The following KCNH2 variants were observed in gnomAD, a reference collection of about 807,000 sequenced individuals.
KCNH2 encodes the protein potassium voltage-gated channel subfamily H member 2, also known as voltage-gated inwardly rectifying potassium channel KCNH2.
In KCNH2, 35 loss-of-function variants were observed where a neutral mutation model predicts 95.9. The observed-to-expected ratio is 0.37, with a 90% CI of 0.28 to 0.48. The LOEUF is 0.48. Among genes scored for constraint, KCNH2 ranks in the 20% least tolerant of loss-of-function variants. The pLI, the probability that KCNH2 is intolerant of heterozygous loss-of-function variation, is 0.99. For synonymous variants in KCNH2, 786 were observed against 754.7 expected (o/e 1.04, Z -0.68); for missense variants, 1,274 against 1,702.9 (o/e 0.75, Z 4.43).
In KCNH2 at chr7:150,957,518, G is replaced by T. The variant is rs750266253; in HGVS notation, c.917-16C>A. The T allele has an allele frequency of 1.3e-6, 2 of 1,552,506 alleles. No individual in the cohort carries two copies. Among genetic ancestry groups the T allele is most frequent in the South Asian group, 1.1e-5 (1 of 88,368 alleles). ...TGCATGGCCCCTAGGTGGAGAGGCA[G>T]CGTGGTCAGGCCAGCAGCCCAGGGC... On this transcript the variant is annotated splice_polypyrimidine_tract_variant and intron_variant, in intron 4 of 14. Coordinates refer to ENST00000262186, the MANE Select transcript of KCNH2 (RefSeq NM_000238.4).
At chr7:150,956,088 T>C (rs1801367692) in intron 5 of KCNH2, among the ~76,000 whole-genome samples, 1 of 151,990 alleles carries the variant, frequency 6.6e-6, no homozygotes, top group African/African-American at 2.4e-5. Flanking sequence ...AGACTGCTAG[T>C]GACTGGCAGG....
rs794728483 is a variant in KCNH2 at position 150,951,651 on chromosome 7, G to A, written c.1742C>T (p.Ser581Leu). ...IGNMEQPHMD[S>L]RIGWLHNLGD... Reference sequence around the variant, plus strand: ...CAGGTTGTGCAGCCAGCCGATGCGTGAGTCCATGTGTGGCTGCTCCATGTT... The same window carrying A: ...CAGGTTGTGCAGCCAGCCGATGCGTAAGTCCATGTGTGGCTGCTCCATGTT... Residue 581 changes from serine (S) to leucine (L), a missense_variant, in exon 7 of 15, where the codon TCA (serine) becomes TTA (leucine). Transcript: ENST00000262186. 1.9e-6 allele frequency: 3 copies of A among 1,614,138 alleles called. No individual in the cohort carries two copies. In the African/African-American group the frequency reaches 4.0e-5, roughly 22 times the overall value.
In KCNH2 at chr7:150,952,686, C is replaced by A; in HGVS notation, c.1296G>T (p.Leu432=). 1.9e-6 allele frequency: 3 copies of A among 1,614,182 alleles called. No individual in the cohort carries two copies. In the South Asian group the frequency reaches 3.3e-5, roughly 18 times the overall value. Residue 432 remains leucine, a synonymous_variant, in exon 6 of 15, where the codon CTG becomes CTT. Transcript: ENST00000262186. The surrounding 1 kb of genome is among the most constrained non-coding windows in gnomAD (Gnocchi z 7.3). The part of the protein sequence containing the change: ...AVFTPYSAAF[L]LKETEEGPPA... ...GCGGGCCTTCTTCCGTCTCCTTCAGCAGGAAGGCAGCCGAGTAGGGTGTGA... is the reference window on the plus strand; with the variant it reads ...GCGGGCCTTCTTCCGTCTCCTTCAGAAGGAAGGCAGCCGAGTAGGGTGTGA...
intron 10 of KCNH2, 82 bp from the exon 11 acceptor site, chr7:150,948,625 A>G: frequency 7.5e-7 from 1 of 1,336,838 alleles, no homozygotes; most frequent in Non-Finnish European, 1.1e-6. Context: ...TCCTTAACAC[A>G]GAAAAAGTAG....
intron 2 of KCNH2, among the ~76,000 whole-genome samples, chr7:150,973,301 G>A (rs896153696): frequency 3.3e-5 from 5 of 152,164 alleles, no homozygotes; most frequent in East Asian, 1.9e-4. Context: ...AGAACAGAGC[G>A]CACAGGGCTC....
chr7:150,954,554 C>T (rs41314384), intron 5 of KCNH2, among the ~76,000 whole-genome samples: 1 of 152,230 alleles, frequency 6.6e-6, no homozygotes, highest in Non-Finnish European at 1.5e-5. Context: ...TCTGTCCCCC[C>T]AGCCTGTTGT....
chr7:150,949,377 G>C, intron 9 of KCNH2: 2 of 1,030,576 alleles, frequency 1.9e-6, no homozygotes, highest in South Asian at 2.4e-5. Context: ...TCAAACCAAA[G>C]ATCAGAACAC....
At chr7:150,965,654 G>A (rs1388179469) in intron 2 of KCNH2, among the ~76,000 whole-genome samples, 3 of 151,322 alleles carry the variant, frequency 2.0e-5, no homozygotes, top group Admixed American at 6.6e-5. Flanking sequence ...TGACTGCTCC[G>A]TCTGACCCAC....
Position 150,962,343 on chromosome 7 carries a change from C to T in KCNH2, c.308-2607G>A, listed in dbSNP as rs1479453182. Among the ~76,000 whole-genome samples, 1 of 152,156 alleles carries T rather than the reference C, an allele frequency of 6.6e-6. No homozygotes were observed. The highest frequency in any genetic ancestry group is 2.4e-5 in the African/African-American group (1 of 41,428). Reference sequence around the variant, plus strand: ...CCTAAGTCCTCCACCAGGGAGCTTGCCTCAGAGAAGTCTAGAGTCTGGAGC... The same window carrying T: ...CCTAAGTCCTCCACCAGGGAGCTTGTCTCAGAGAAGTCTAGAGTCTGGAGC... On this transcript the variant is annotated intron_variant, in intron 2 of 14. Transcript: ENST00000262186. The surrounding 1 kb of genome is among the most constrained non-coding windows in gnomAD (Gnocchi z 5.7).
rs794728397 is a variant in KCNH2, at chr7:150,947,801, C to A, written c.2770G>T (p.Gly924Trp). The A allele has an allele frequency of 8.5e-6, 13 of 1,530,634 alleles. No individual in the cohort carries two copies. In the African/African-American group the frequency reaches 1.5e-4, roughly 18 times the overall value. 94.8% of individuals were successfully genotyped at this position (1,530,634 alleles called of 1,614,324 possible). ...GAGPSSRGRP[G>W]GPWGESPSSG... ...GACGGGCTCTCCCCCCACGGCCCCC[C>A]CGGCCGGCCCCGGCTACTCGGCCCT... The change falls in exon 12 of 15, where the codon GGG becomes TGG. Residue 924 changes from glycine to tryptophan, a missense_variant. Around this residue, in one of 7 missense-constraint regions of KCNH2, gnomAD observed 457 missense variants for 416.1 expected, o/e 1.10. Coordinates refer to ENST00000262186, the MANE Select transcript of KCNH2 (RefSeq NM_000238.4).
rs1057520559 is a variant in KCNH2, at chr7:150,950,164, A to G, written c.2398+4T>C. 2.7e-6 allele frequency: 2 copies of G among 737,420 alleles called. No individual in the cohort carries two copies. The highest frequency in any genetic ancestry group is 4.6e-6 in the Non-Finnish European group (2 of 438,850). 45.7% of individuals were successfully genotyped at this position (737,420 alleles called of 1,614,324 possible). A position where few individuals can be genotyped will look rare whatever the true frequency, so the allele number is the denominator to read the frequency against. On this transcript the variant is annotated splice_donor_region_variant and intron_variant, in intron 9 of 14. Coordinates refer to ENST00000262186, the MANE Select transcript of KCNH2 (RefSeq NM_000238.4). ...CAGTCCAGTGCCCGCCCCCCACCCCATACCCAGGATGGCCACGACGACGTC... is the reference window on the plus strand; with the variant it reads ...CAGTCCAGTGCCCGCCCCCCACCCCGTACCCAGGATGGCCACGACGACGTC...
rs1191300831 is a variant in KCNH2, at chr7:150,946,676, C to T, written c.3330+201G>A. Among the ~76,000 whole-genome samples the T allele has an allele frequency of 1.3e-5, 2 of 152,136 alleles. No individual in the cohort carries two copies. Among genetic ancestry groups the T allele is most frequent in the South Asian group, 2.1e-4 (1 of 4,830 alleles). On this transcript the variant is annotated intron_variant, in intron 14 of 14. Transcript: ENST00000262186. This position sits in a 1 kb window ranked among gnomAD's most constrained non-coding sequence, Gnocchi z 6.5. ...CACCCAGCTGTCTAGGGGCTTTGGA[C>T]GGGGGACTCTCCTGCCCTACCCTGA...
In KCNH2 at chr7:150,961,719, C is replaced by T. The variant is rs573144848; in HGVS notation, c.308-1983G>A. Among the ~76,000 whole-genome samples the T allele has an allele frequency of 6.6e-6, 1 of 152,284 alleles. No homozygotes were observed. The highest frequency in any genetic ancestry group is 1.5e-5 in the Non-Finnish European group (1 of 68,018). On this transcript the variant is annotated intron_variant, in intron 2 of 14. Transcript: ENST00000262186. The surrounding 1 kb of genome is among the most constrained non-coding windows in gnomAD (Gnocchi z 6.2). ...CAAGGTAGAAGCCGGCAACAGACAC[C>T]GGCAACCTGGAGGCGACGCCACCCC... is the stretch of plus-strand genomic sequence containing the variant.
Position 150,948,427 on chromosome 7 carries a change from C to CGACAA in KCNH2, c.2692+16_2692+17insTTGTC. 9.0e-7 allele frequency: 1 copy of CGACAA among 1,110,756 alleles called. No homozygotes were observed. 68.8% of individuals were successfully genotyped at this position (1,110,756 alleles called of 1,614,324 possible). A position where few individuals can be genotyped will look rare whatever the true frequency, so the allele number is the denominator to read the frequency against. ...CCTTGTCCCCGCCCTCCCCCTTCCT[C>CGACAA]CCCTCCCCCGCCTCACCCTTGTCCG... On this transcript the variant is annotated intron_variant, in intron 11 of 14. Coordinates refer to ENST00000262186, the MANE Select transcript of KCNH2 (RefSeq NM_000238.4).
In KCNH2 at chr7:150,952,470, G is replaced by A. The variant is rs41311003; in HGVS notation, c.1512C>T (p.Ala504=). 62 of 1,614,112 alleles carry A rather than the reference G, an allele frequency of 3.8e-5. No homozygotes were observed. The highest frequency in any genetic ancestry group is 2.9e-4 in the South Asian group (26 of 91,076). The change falls in exon 6 of 15, where the codon GCC becomes GCT. Residue 504 remains alanine, a synonymous_variant. Transcript: ENST00000262186. This position sits in a 1 kb window ranked among gnomAD's most constrained non-coding sequence, Gnocchi z 7.3. The part of the protein sequence containing the change: ...FKGWFLIDMV[A]AIPFDLLIFG... The stretch of plus-strand genomic sequence containing the variant: ...AGATGAGCAGGTCGAAGGGGATGGC[G>A]GCCACCATGTCGATGAGGAACCAGC...
At chr7:150,947,167 T>C in intron 13 of KCNH2, 113 bp from the exon 14 acceptor site, 1 of 1,120,888 alleles carries the variant, frequency 8.9e-7, no homozygotes, top group Non-Finnish European at 1.3e-6. Flanking sequence ...ACCCAGGCCC[T>C]CCGCGCTAGA....
chr7:150,949,102 C>T (rs1234712301), intron 9 of KCNH2, 53 bp from the exon 10 acceptor site: 2 of 1,512,054 alleles, frequency 1.3e-6, no homozygotes, highest in Non-Finnish European at 1.8e-6. Context: ...GGCATCCAGG[C>T]AGCAGGCACC....
In KCNH2 at chr7:150,951,658, T is replaced by C. The variant is rs1240351607; in HGVS notation, c.1735A>G (p.Met579Val). Reference protein sequence around the residue: ...YAIGNMEQPHMDSRIGWLHNL... With the variant: ...YAIGNMEQPHVDSRIGWLHNL... ...TGCAGCCAGCCGATGCGTGAGTCCA[T>C]GTGTGGCTGCTCCATGTTGCCGATG... The change falls in exon 7 of 15, where the codon ATG becomes GTG. Residue 579 changes from methionine to valine, a missense_variant. Around this residue, in one of 7 missense-constraint regions of KCNH2, gnomAD observed 147 missense variants for 344.4 expected, o/e 0.43. Coordinates refer to ENST00000262186, the MANE Select transcript of KCNH2 (RefSeq NM_000238.4). The C allele has an allele frequency of 1.2e-6, 2 of 1,614,242 alleles. No homozygotes were observed. The highest frequency in any genetic ancestry group is 1.7e-6 in the Non-Finnish European group (2 of 1,180,042).
intron 5 of KCNH2, among the ~76,000 whole-genome samples, chr7:150,956,837 C>A (rs1327595694): frequency 6.6e-6 from 1 of 152,304 alleles, no homozygotes; most frequent in South Asian, 2.1e-4. Context: ...AGAATTAGGA[C>A]CCTCCTGTCC....
Sources: gnomAD v4.1 joint callset for allele counts (sites outside exome capture counted in the v4.1 genomes callset) on GRCh38, gnomAD v4.1.1 for gene constraint, gnomAD v4.1.1 regional missense constraint, Gnocchi (gnomAD v3.1) non-coding constraint, MANE v1.5 for transcripts, NCBI Gene and HGNC (gene_info 2026-07-23, HGNC 2026-07-21) for gene names.